Variants in CNTNAP5 observed in about 807,000 individuals in gnomAD.
CNTNAP5 encodes contactin associated protein family member 5.
Under a neutral mutation model 150.2 loss-of-function variants are expected in CNTNAP5, and 72 were observed. The ratio of observed to expected loss-of-function variants is 0.48; its 90% confidence interval spans 0.40 to 0.58. CNTNAP5 has a LOEUF of 0.58. Among genes scored for constraint, CNTNAP5 ranks in the 20% least tolerant of loss-of-function variants. CNTNAP5 has a pLI of 0.00. For missense variants in CNTNAP5, 1,636 were observed against 1,626.2 expected, an observed-to-expected ratio of 1.01 and a Z score of -0.10; for synonymous variants, 672 against 619.8, an observed-to-expected ratio of 1.08 and a Z score of -1.25.
intron 1 of CNTNAP5, among the ~76,000 whole-genome samples, chr2:124,195,503 C>T (rs1334815935): frequency 2.0e-5 from 3 of 152,164 alleles, no homozygotes; most frequent in Non-Finnish European, 1.5e-5. Flanking sequence ...GTGGACATGG[C>T]TGTGATCTAA....
Position 124,425,500 on chromosome 2 carries a change from G to A in CNTNAP5, c.529+7910G>A, listed in dbSNP as rs148304552. On this transcript the variant is annotated intron_variant, in intron 4 of 23. Coordinates refer to ENST00000682447, the MANE Select transcript of CNTNAP5 (RefSeq NM_001367498.1). The stretch of plus-strand genomic sequence containing the variant: ...TTTCCTTCTGTGAGTTTGTGGCTAA[G>A]ATTTCTGAAACCTCATCCCCATAGT... Among the ~76,000 whole-genome samples the A allele has an allele frequency of 8.5e-5, 13 of 152,280 alleles. No individual in the cohort carries two copies. The East Asian group carries it at 2.3e-3, about 27-fold the overall frequency.
intron 14 of CNTNAP5, among the ~76,000 whole-genome samples, chr2:124,751,923 T>C (rs1490370148): frequency 6.6e-6 from 1 of 152,214 alleles, no homozygotes; most frequent in Non-Finnish European, 1.5e-5. Flanking sequence ...TATTATTTCT[T>C]TTCCCCAGAA....
At chr2:124,783,086 G>A (rs376895342) in intron 17 of CNTNAP5, among the ~76,000 whole-genome samples, 1 of 152,160 alleles carries the variant, frequency 6.6e-6, no homozygotes, top group Admixed American at 6.5e-5. Context: ...TCAGAAACGG[G>A]TTAGTGGTAT....
chr2:124,539,519 G>A (rs953168088), intron 10 of CNTNAP5, among the ~76,000 whole-genome samples: 1 of 152,126 alleles, frequency 6.6e-6, no homozygotes, highest in African/African-American at 2.4e-5. Context: ...TCATATTTTA[G>A]CCCAATCTTG....
At chr2:124,213,060 G>C (rs112702778) in intron 1 of CNTNAP5, among the ~76,000 whole-genome samples, 1 of 151,552 alleles carries the variant, frequency 6.6e-6, no homozygotes, top group African/African-American at 2.4e-5. Context: ...GGATGGTCTC[G>C]ATCTCCCAAC....
intron 13 of CNTNAP5, among the ~76,000 whole-genome samples, chr2:124,729,391 T>C (rs1383393658): frequency 6.6e-6 from 1 of 152,080 alleles, no homozygotes; most frequent in Non-Finnish European, 1.5e-5. Flanking sequence ...TTATTATTGT[T>C]TTCTTTGTTA....
At chr2:124,845,159 C>T (rs1262418513) in intron 19 of CNTNAP5, among the ~76,000 whole-genome samples, 1 of 151,920 alleles carries the variant, frequency 6.6e-6, no homozygotes, top group African/African-American at 2.4e-5. Context: ...CTCCTTTATG[C>T]CCATTTTGCT....
intron 13 of CNTNAP5, among the ~76,000 whole-genome samples, chr2:124,671,588 A>G (rs961104734): frequency 6.6e-6 from 1 of 152,160 alleles, no homozygotes; most frequent in Non-Finnish European, 1.5e-5. Context: ...CTTTTGTTTC[A>G]GGAATGTGCT....
At chr2:124,162,353 A>G (rs995246791) in intron 1 of CNTNAP5, among the ~76,000 whole-genome samples, 4 of 152,204 alleles carry the variant, frequency 2.6e-5, no homozygotes, top group African/African-American at 7.2e-5. Flanking sequence ...TAAAAAAATT[A>G]TGAGGCAGAT....
intron 11 of CNTNAP5, among the ~76,000 whole-genome samples, chr2:124,566,262 G>T (rs952226493): frequency 3.9e-5 from 6 of 152,102 alleles, no homozygotes; most frequent in African/African-American, 1.4e-4. Flanking sequence ...AAAACAACCC[G>T]AATTTCAGCC....
At chr2:124,443,631 A>G (rs1414628152) in intron 5 of CNTNAP5, among the ~76,000 whole-genome samples, 1 of 152,086 alleles carries the variant, frequency 6.6e-6, no homozygotes, top group Non-Finnish European at 1.5e-5. Flanking sequence ...ATAAAAAATA[A>G]AATCAGTTTG....
In CNTNAP5 at chr2:124,798,198, C is replaced by T. The variant is rs1454285479; in HGVS notation, c.3095C>T (p.Thr1032Ile). 4 of 1,613,682 alleles carry T rather than the reference C, an allele frequency of 2.5e-6. No individual in the cohort carries two copies. The highest frequency in any genetic ancestry group is 1.6e-4 in the Middle Eastern group (1 of 6,084). Reference protein sequence around the residue: ...NISLSSSAIYTDSAPSKENIA... With the variant: ...NISLSSSAIYIDSAPSKENIA... ...AGCCTCTCATCCTCAGCTATTTACACAGATTCAGCTCCATCCAAGGAAAAC... is the reference window on the plus strand; with the variant it reads ...AGCCTCTCATCCTCAGCTATTTACATAGATTCAGCTCCATCCAAGGAAAAC... The change falls in exon 19 of 24, where the codon ACA becomes ATA. Residue 1032 changes from threonine to isoleucine, a missense_variant. By Grantham distance (89) the Thr-to-Ile change is moderately conservative. Coordinates refer to ENST00000682447, the MANE Select transcript of CNTNAP5 (RefSeq NM_001367498.1).
chr2:124,028,851 C>T (rs1406012841), intron 1 of CNTNAP5, among the ~76,000 whole-genome samples: 4 of 151,858 alleles, frequency 2.6e-5, no homozygotes, highest in East Asian at 1.9e-4. Context: ...TTGAGGTATG[C>T]GTCTACTCCA....
At chr2:124,770,644 A>G (rs913286879) in intron 16 of CNTNAP5, among the ~76,000 whole-genome samples, 1 of 152,160 alleles carries the variant, frequency 6.6e-6, no homozygotes, top group Non-Finnish European at 1.5e-5. Context: ...GAAACAGAGA[A>G]AGACTCAAGG....
In CNTNAP5 at chr2:124,419,153, A is replaced by AAAAAAAATAC. The variant is rs1553466547; in HGVS notation, c.529+1570_529+1571insTACAAAAAAA. Among the ~76,000 whole-genome samples, 22 of 76,420 alleles carry AAAAAAAATAC rather than the reference A, an allele frequency of 2.9e-4. 1 individual carries two copies. The highest frequency in any genetic ancestry group is 1.0e-3 in the African/African-American group (22 of 21,094). The allele number at this position is 76,420 out of a possible 152,430, so 50.1% of individuals were successfully genotyped here. ...GAGACTCCTTCTCAAAAAAAAAAAA[A>AAAAAAAATAC]AAAAAAAAAACAGTATGAAGCTTTT... On this transcript the variant is annotated intron_variant, in intron 4 of 23. Transcript: ENST00000682447.
At chr2:124,269,872 G>A (rs926662014) in intron 3 of CNTNAP5, among the ~76,000 whole-genome samples, 1 of 152,160 alleles carries the variant, frequency 6.6e-6, no homozygotes, top group Non-Finnish European at 1.5e-5. Flanking sequence ...GTAAAAATTT[G>A]AGTCAACTGG....
At chr2:124,748,262 T>A (rs1332430728) in intron 14 of CNTNAP5, among the ~76,000 whole-genome samples, 1 of 152,176 alleles carries the variant, frequency 6.6e-6, no homozygotes, top group Non-Finnish European at 1.5e-5. Flanking sequence ...TAAATAATTT[T>A]CCCAGTGTCA....
At chr2:124,645,899 G>A (rs1034502312) in intron 12 of CNTNAP5, among the ~76,000 whole-genome samples, 1 of 152,094 alleles carries the variant, frequency 6.6e-6, no homozygotes, top group Admixed American at 6.5e-5. Context: ...GACGGCAAGA[G>A]CAGGAGCAAG....
intron 19 of CNTNAP5, among the ~76,000 whole-genome samples, chr2:124,846,062 G>T (rs567541481): frequency 6.6e-6 from 1 of 151,368 alleles, no homozygotes; most frequent in Non-Finnish European, 1.5e-5. Context: ...GGCTTAGATT[G>T]TTCTTGTTTT....
Sources: allele counts gnomAD v4.1 joint callset (sites outside exome capture counted in the v4.1 genomes callset), GRCh38; gene constraint gnomAD v4.1.1; transcripts MANE v1.5; gene names NCBI Gene and HGNC (gene_info 2026-07-23, HGNC 2026-07-21).